NPAS3: variants seen among roughly 807,000 people sequenced by gnomAD.
The protein encoded by NPAS3 is neuronal PAS domain protein 3.
NPAS3 carries 14 observed loss-of-function variants against 73.1 expected under a neutral mutation model. The ratio of observed to expected loss-of-function variants is 0.19; its 90% CI spans 0.13 to 0.30. The LOEUF is 0.30. NPAS3 is among the 10% of genes least tolerant of loss of function. The probability of loss-of-function intolerance (pLI) is 1.00; values close to 1 mark genes in which losing one functional copy is unlikely to be tolerated. For synonymous variants in NPAS3, 620 were observed against 541.5 expected (o/e 1.14, Z -2.01); for missense variants, 1,096 against 1,250.0 (o/e 0.88, Z 1.86).
intron 5 of NPAS3, among the ~76,000 whole-genome samples, chr14:33,595,762 C>G (rs150990951): frequency 0.011 from 1,648 of 152,232 alleles, 14 homozygotes; most frequent in Non-Finnish European, 0.017. Flanking sequence ...GATCCGCCGC[C>G]CGGGTTCACG....
At chr14:33,444,666 G>A (rs1002298971) in intron 4 of NPAS3, among the ~76,000 whole-genome samples, 3 of 152,202 alleles carry the variant, frequency 2.0e-5, no homozygotes, top group African/African-American at 7.2e-5. Flanking sequence ...ATCGGCCTGG[G>A]TAGTGTTCAC....
At chr14:33,767,735 A>G (rs906181717) in intron 7 of NPAS3, among the ~76,000 whole-genome samples, 1 of 151,996 alleles carries the variant, frequency 6.6e-6, no homozygotes, top group Admixed American at 6.6e-5. Context: ...AACATTTTAG[A>G]TTACTAGAAC....
At chr14:33,734,356 G>A (rs2061473651) in intron 6 of NPAS3, among the ~76,000 whole-genome samples, 1 of 152,110 alleles carries the variant, frequency 6.6e-6, no homozygotes. Context: ...TTTTTACGTT[G>A]CCTTCTGACC....
At chr14:33,770,940 T>A (rs1016285586) in intron 7 of NPAS3, among the ~76,000 whole-genome samples, 2 of 152,178 alleles carry the variant, frequency 1.3e-5, no homozygotes, top group African/African-American at 4.8e-5. Context: ...GCAACACACT[T>A]ATTTTTTTGT....
intron 4 of NPAS3, among the ~76,000 whole-genome samples, chr14:33,406,992 T>G (rs565053388): frequency 1.2e-4 from 19 of 152,286 alleles, no homozygotes; most frequent in African/African-American, 4.6e-4. Context: ...TATATGGAAC[T>G]ATTTCAACCC....
intron 6 of NPAS3, among the ~76,000 whole-genome samples, chr14:33,702,641 G>A (rs996720977): frequency 6.6e-6 from 1 of 152,062 alleles, no homozygotes. Flanking sequence ...AATTACAGGG[G>A]TTATCTTTTT....
At chr14:33,575,914 G>A (rs773069396) in intron 5 of NPAS3, among the ~76,000 whole-genome samples, 1 of 152,154 alleles carries the variant, frequency 6.6e-6, no homozygotes, top group Non-Finnish European at 1.5e-5. Flanking sequence ...AAGAGAGAAT[G>A]AGAGAGGGTG....
chr14:33,442,004 C>G (rs537290222), intron 4 of NPAS3, among the ~76,000 whole-genome samples: 1 of 152,260 alleles, frequency 6.6e-6, no homozygotes, highest in South Asian at 2.1e-4. Flanking sequence ...CACAGCCAAA[C>G]CATATCAGCT....
Position 33,800,105 on chromosome 14 carries a change from C to T in NPAS3, c.1798C>T (p.Arg600Cys). The T allele has an allele frequency of 1.3e-6, 2 of 1,587,084 alleles. No homozygotes were observed. The highest frequency in any genetic ancestry group is 1.3e-5 in the African/African-American group (1 of 74,780). ...GCAGGCCTCCAGCAAGCACCAGAAG[C>T]GCAAGAAAAGGCGGAAACGGCAAAA... Residue 600 changes from arginine (R) to cysteine (C), a missense_variant, in exon 12 of 12, where the codon CGC (arginine) becomes TGC (cysteine). Transcript: ENST00000356141. This position sits in a 1 kb window ranked among gnomAD's most constrained non-coding sequence, Gnocchi z 6.5.
intron 4 of NPAS3, among the ~76,000 whole-genome samples, chr14:33,380,793 T>A (rs562118314): frequency 2.6e-5 from 4 of 152,112 alleles, no homozygotes; most frequent in Non-Finnish European, 5.9e-5. Flanking sequence ...GCTGGGTAAC[T>A]GCTACAGGAA....
At position 33,196,426 on chromosome 14, in the gene NPAS3, C is replaced by G. The variant is rs182647791; in HGVS notation, c.141-18756C>G. Among the ~76,000 whole-genome samples, 701 of 152,306 alleles carry G rather than the reference C, an allele frequency of 4.6e-3. 4 individuals are homozygous for G. Among genetic ancestry groups the G allele is most frequent in the Non-Finnish European group, 7.6e-3 (518 of 68,022 alleles). On this transcript the variant is annotated intron_variant, in intron 2 of 11. Coordinates refer to ENST00000356141, the Ensembl canonical transcript of NPAS3. ...GACCACAGAGGGGAAGCAAACTCTA[C>G]TTTTCAACAGGCCATCTCTCTCTTT...
At chr14:33,032,300 T>C (rs565947840) in intron 1 of NPAS3, among the ~76,000 whole-genome samples, 5 of 152,122 alleles carry the variant, frequency 3.3e-5, no homozygotes, top group Non-Finnish European at 7.4e-5. Context: ...TTTAGAAAGA[T>C]TAATTTATCA....
chr14:33,473,305 G>A (rs2050871856), intron 4 of NPAS3, among the ~76,000 whole-genome samples: 1 of 152,128 alleles, frequency 6.6e-6, no homozygotes, highest in Admixed American at 6.5e-5. Flanking sequence ...TCCTCTGTCA[G>A]CAGACCCAGT....
intron 6 of NPAS3, among the ~76,000 whole-genome samples, chr14:33,709,968 C>T (rs2060771333): frequency 6.6e-6 from 1 of 152,216 alleles, no homozygotes; most frequent in East Asian, 1.9e-4. Context: ...GTGGCGACTT[C>T]AACACTCACA....
chr14:33,374,377 G>A (rs17491433), intron 4 of NPAS3, among the ~76,000 whole-genome samples: 9,512 of 152,074 alleles, frequency 0.063, 328 homozygotes, highest in Middle Eastern at 0.13. Flanking sequence ...TTGAAGATTG[G>A]TAAAGGGCAT....
chr14:33,520,026 C>T (rs1249677793), intron 4 of NPAS3, among the ~76,000 whole-genome samples: 1 of 152,104 alleles, frequency 6.6e-6, no homozygotes, highest in Non-Finnish European at 1.5e-5. Context: ...ATCATCTATC[C>T]TCCTGGCATC....
intron 4 of NPAS3, among the ~76,000 whole-genome samples, chr14:33,433,170 C>G (rs1286882178): frequency 6.6e-6 from 1 of 152,118 alleles, no homozygotes; most frequent in Non-Finnish European, 1.5e-5. Flanking sequence ...CAAATAAACA[C>G]AACCCAAAAA....
intron 7 of NPAS3, among the ~76,000 whole-genome samples, chr14:33,769,350 A>G (rs1161150696): frequency 6.6e-6 from 1 of 152,232 alleles, no homozygotes; most frequent in African/African-American, 2.4e-5. Flanking sequence ...CAAACTGTTC[A>G]CAGGGAAATC....
At chr14:33,663,801 A>G (rs2059377422) in intron 5 of NPAS3, among the ~76,000 whole-genome samples, 1 of 151,964 alleles carries the variant, frequency 6.6e-6, no homozygotes. Context: ...GAATGTATCC[A>G]TTTCTTCTAG....
Sources: allele counts gnomAD v4.1 joint callset (sites outside exome capture counted in the v4.1 genomes callset), GRCh38; gene constraint gnomAD v4.1.1; non-coding constraint Gnocchi (gnomAD v3.1); transcripts MANE v1.5; gene names NCBI Gene and HGNC (gene_info 2026-07-23, HGNC 2026-07-21).